The following GLIS3 variants were observed in gnomAD, a reference collection of about 807,000 sequenced individuals.
GLIS3 encodes the protein GLIS family zinc finger 3.
In GLIS3, 53 loss-of-function variants were observed where a neutral mutation model predicts 78.6. That is an observed-to-expected ratio of 0.67 (90% CI 0.54 to 0.85). GLIS3 has a LOEUF of 0.85. GLIS3 is among the 40% of genes least tolerant of loss of function. The probability of loss-of-function intolerance (pLI) is 0.00; values close to 1 mark genes in which losing one functional copy is unlikely to be tolerated. For synonymous variants in GLIS3, 684 were observed against 509.9 expected (o/e 1.34, Z -4.60); for missense variants, 1,703 against 1,231.1 (o/e 1.38, Z -5.74).
intron 2 of GLIS3, among the ~76,000 whole-genome samples, chr9:4,175,178 C>T (rs984825806): frequency 6.6e-6 from 1 of 152,194 alleles, no homozygotes; most frequent in African/African-American, 2.4e-5. Flanking sequence ...CCTGAGAATT[C>T]CTCCATTAGA....
intron 2 of GLIS3, among the ~76,000 whole-genome samples, chr9:4,317,317 C>T (rs964832151): frequency 1.3e-5 from 2 of 152,180 alleles, no homozygotes; most frequent in African/African-American, 4.8e-5. Flanking sequence ...TCAGTGAAAT[C>T]TTCCAGAGAG....
rs185779470 is a variant in GLIS3, at chr9:4,015,873, A to G, written c.1711-78684T>C. ...CATTGCACTTTAGCCTGAGTGACAG[A>G]GCGAGACTCTGTCTCAAAAAAAAAA... On this transcript the variant is annotated intron_variant, in intron 4 of 10. Transcript: ENST00000381971. Among the ~76,000 whole-genome samples the G allele has an allele frequency of 1.4e-4, 18 of 132,720 alleles. 1 individual carries two copies. The East Asian group carries it at 3.9e-3, about 29-fold the overall frequency. 87.1% of individuals were successfully genotyped at this position (132,720 alleles called of 152,430 possible). A position where few individuals can be genotyped will look rare whatever the true frequency, so the allele number is the denominator to read the frequency against.
chr9:4,087,405 A>T (rs1829124146), intron 4 of GLIS3, among the ~76,000 whole-genome samples: 1 of 152,224 alleles, frequency 6.6e-6, no homozygotes, highest in African/African-American at 2.4e-5. Context: ...GAGATGAAAG[A>T]AGAAAAGGAA....
intron 2 of GLIS3, among the ~76,000 whole-genome samples, chr9:4,141,229 G>C (rs1012517946): frequency 6.6e-6 from 1 of 152,180 alleles, no homozygotes; most frequent in Non-Finnish European, 1.5e-5. Flanking sequence ...GAGAGAGAGA[G>C]GTGGGATTGC....
intron 4 of GLIS3, among the ~76,000 whole-genome samples, chr9:4,033,649 C>T (rs1824047897): frequency 6.6e-6 from 1 of 152,078 alleles, no homozygotes; most frequent in Non-Finnish European, 1.5e-5. Context: ...TGGACCTATT[C>T]AATCAAAATC....
intron 4 of GLIS3, among the ~76,000 whole-genome samples, chr9:4,027,380 T>C (rs567672703): frequency 1.4e-4 from 22 of 152,336 alleles, no homozygotes; most frequent in African/African-American, 5.3e-4. Flanking sequence ...CAATTGGACA[T>C]ACTAGGATGC....
At chr9:3,958,569 T>C (rs1241640641) in intron 4 of GLIS3, among the ~76,000 whole-genome samples, 2 of 152,226 alleles carry the variant, frequency 1.3e-5, no homozygotes, top group Non-Finnish European at 2.9e-5. Flanking sequence ...TCCTGTCTTA[T>C]ACTTCATTTA....
In GLIS3 at chr9:3,827,465, C is replaced by G. The variant is rs1469836587; in HGVS notation, c.*807G>C. ...GGACTGTTGGTGCGGGAGGTGCCCA[C>G]TCCATTTCCCTCAGGTAACCTTTGC... On this transcript the variant is annotated 3_prime_UTR_variant, in exon 11 of 11. Transcript: ENST00000381971. The G allele has an allele frequency of 6.6e-6, 1 of 152,368 alleles. No individual in the cohort carries two copies. Among genetic ancestry groups the G allele is most frequent in the Non-Finnish European group, 1.5e-5 (1 of 68,192 alleles). The allele number at this position is 152,368 out of a possible 1,614,324, so 9.4% of individuals were successfully genotyped here.
chr9:4,116,141 T>C (rs1225562013), intron 4 of GLIS3, among the ~76,000 whole-genome samples: 1 of 152,182 alleles, frequency 6.6e-6, no homozygotes, highest in East Asian at 1.9e-4. Flanking sequence ...ATGCAAAAAA[T>C]ATTTTTCTGG....
chr9:4,169,790 A>C (rs1439974861), intron 2 of GLIS3, among the ~76,000 whole-genome samples: 1 of 152,244 alleles, frequency 6.6e-6, no homozygotes, highest in East Asian at 1.9e-4. Flanking sequence ...AACATTTGGG[A>C]AATCTGGGTA....
chr9:4,466,379 G>T, the GLIS3 span, among the ~76,000 whole-genome samples: 1 of 152,132 alleles, frequency 6.6e-6, no homozygotes, highest in Non-Finnish European at 1.5e-5. Context: ...ATATTTTAAG[G>T]TTATAATCCT....
intron 2 of GLIS3, among the ~76,000 whole-genome samples, chr9:4,338,410 A>ACACT (rs1479654774): frequency 6.7e-6 from 1 of 149,366 alleles, no homozygotes; most frequent in Non-Finnish European, 1.5e-5. Flanking sequence ...ACACACACAC[A>ACACT]ATTTTTTAAA....
chr9:4,342,972 T>C (rs181488098), intron 2 of GLIS3, among the ~76,000 whole-genome samples: 3 of 152,334 alleles, frequency 2.0e-5, no homozygotes, highest in African/African-American at 7.2e-5. Context: ...TGAAGTTGTT[T>C]ATCAGATCTA....
intron 2 of GLIS3, among the ~76,000 whole-genome samples, chr9:4,228,613 G>A (rs943671242): frequency 1.3e-5 from 2 of 152,196 alleles, no homozygotes; most frequent in African/African-American, 2.4e-5. Context: ...TACAGGTACC[G>A]TTCTACAAAG....
At position 3,932,420 on chromosome 9, in the gene GLIS3, T is replaced by C. The variant is rs1825677227; in HGVS notation, c.1923A>G (p.Pro641=). The part of the protein sequence containing the change: ...IPGCTKRYTD[P]SSLRKHVKAH... Reference sequence around the variant, plus strand: ...CCTTCACATGCTTTCTTAGGGAACTTGGGTCTGTGTAGCGTTTGGTACATC... The same window carrying C: ...CCTTCACATGCTTTCTTAGGGAACTCGGGTCTGTGTAGCGTTTGGTACATC... Residue 641 remains proline (P), a synonymous_variant, in exon 6 of 11, where the codon CCA becomes CCG. Transcript: ENST00000381971. 6.2e-7 allele frequency: 1 copy of C among 1,613,852 alleles called. No individual in the cohort carries two copies. Among genetic ancestry groups the C allele is most frequent in the Non-Finnish European group, 8.5e-7 (1 of 1,179,908 alleles).
At chr9:4,085,528 T>C (rs1194830501) in intron 4 of GLIS3, among the ~76,000 whole-genome samples, 1 of 152,132 alleles carries the variant, frequency 6.6e-6, no homozygotes, top group Admixed American at 6.6e-5. Flanking sequence ...ACTGACCCTT[T>C]CTCCCCTGCC....
intron 4 of GLIS3, among the ~76,000 whole-genome samples, chr9:3,991,136 G>A (rs768061310): frequency 6.6e-6 from 1 of 152,170 alleles, no homozygotes; most frequent in African/African-American, 2.4e-5. Flanking sequence ...GGGAGAGAAT[G>A]TTAGATAAAA....
chr9:4,049,204 C>T (rs1825504382), intron 4 of GLIS3, among the ~76,000 whole-genome samples: 1 of 151,962 alleles, frequency 6.6e-6, no homozygotes, highest in South Asian at 2.1e-4. Context: ...AGAGAGATTT[C>T]CAGAGCTTCA....
the GLIS3 span, among the ~76,000 whole-genome samples, chr9:4,383,557 T>G: frequency 6.6e-6 from 1 of 152,326 alleles, no homozygotes; most frequent in Admixed American, 6.5e-5. Flanking sequence ...AAGCAGTTTC[T>G]ATACAAGCTC....
Sources: gnomAD v4.1 joint callset for allele counts (sites outside exome capture counted in the v4.1 genomes callset) on GRCh38, gnomAD v4.1.1 for gene constraint, MANE v1.5 for transcripts, NCBI Gene and HGNC (gene_info 2026-07-23, HGNC 2026-07-21) for gene names.